STAG1: variants seen among roughly 807,000 people sequenced by gnomAD.
STAG1 encodes the protein cohesin subunit SA-1.
A neutral mutation model predicts 170.9 loss-of-function variants in STAG1; 26 were observed. The observed-to-expected ratio is 0.15, with a 90% CI of 0.11 to 0.21. STAG1 has a LOEUF of 0.21. Ranked by LOEUF, STAG1 falls within the 10% of genes least tolerant of loss-of-function variation. The pLI is 1.00. For missense variants in STAG1, 964 were observed against 1,509.5 expected (o/e 0.64, Z 5.99); for synonymous variants, 514 against 497.7 (o/e 1.03, Z -0.44).
intron 1 of STAG1, among the ~76,000 whole-genome samples, chr3:136,656,615 A>G (rs188269799): frequency 3.5e-3 from 188 of 54,090 alleles, no homozygotes; most frequent in African/African-American, 0.031. Context: ...CTCTGTATTT[A>G]TTTGTGTGTG....
At chr3:136,445,511 T>C (rs2088752778) in intron 14 of STAG1, among the ~76,000 whole-genome samples, 1 of 152,204 alleles carries the variant, frequency 6.6e-6, no homozygotes, top group Non-Finnish European at 1.5e-5. Context: ...TTTGGGAAGA[T>C]TTGAAAAAGT....
intron 1 of STAG1, among the ~76,000 whole-genome samples, chr3:136,634,677 G>A (rs1310196067): frequency 6.8e-6 from 1 of 147,282 alleles, no homozygotes; most frequent in African/African-American, 2.5e-5. Flanking sequence ...AAATACAAAG[G>A]GCAAACTAAG....
At chr3:136,465,367 C>T (rs2089422734) in intron 12 of STAG1, among the ~76,000 whole-genome samples, 1 of 151,072 alleles carries the variant, frequency 6.6e-6, no homozygotes, top group Non-Finnish European at 1.5e-5. Flanking sequence ...TTACAGGTGC[C>T]CAACACCACG....
At position 136,567,758 on chromosome 3, in the gene STAG1, T is replaced by A. The variant is rs1023229498; in HGVS notation, c.394+1007A>T. ...TGCAATGTACAAGATAAAGATCAGA[T>A]CTGCCTGATGGGACTGTTAACAAAG... is the stretch of plus-strand genomic sequence containing the variant. On this transcript the variant is annotated intron_variant, in intron 5 of 33. Transcript: ENST00000383202. Among the ~76,000 whole-genome samples the A allele has an allele frequency of 2.6e-5, 4 of 152,194 alleles. No homozygotes were observed. In the East Asian group the frequency reaches 7.7e-4, roughly 29 times the overall value.
intron 22 of STAG1, among the ~76,000 whole-genome samples, chr3:136,389,810 G>A (rs765427067): frequency 8.6e-5 from 13 of 150,440 alleles, no homozygotes; most frequent in African/African-American, 1.7e-4. Flanking sequence ...GTGAGCCACC[G>A]CACCTGGCCT....
intron 5 of STAG1, among the ~76,000 whole-genome samples, chr3:136,551,428 A>ATTTTTTTTT (rs57299539): frequency 1.0e-4 from 12 of 117,482 alleles, no homozygotes; most frequent in Admixed American, 2.9e-4. Context: ...CATCTGGCTA[A>ATTTTTTTTT]TTTTTTTTTT....
At chr3:136,419,994 TC>T (rs1246210509) in intron 20 of STAG1, among the ~76,000 whole-genome samples, 1 of 151,984 alleles carries the variant, frequency 6.6e-6, no homozygotes, top group East Asian at 1.9e-4. Flanking sequence ...ACGTCTGTAA[TC>T]CCAGCACTTT....
At position 136,521,356 on chromosome 3, in the gene STAG1, A is replaced by C; in HGVS notation, c.533T>G (p.Phe178Cys). The change falls in exon 7 of 34, where the codon TTT becomes TGT. Residue 178 changes from phenylalanine (F) to cysteine (C), a missense_variant. Transcript: ENST00000383202. Reference protein sequence around the residue: ...GPQWKKFRSNFCEFIGVLIRQ... With the variant: ...GPQWKKFRSNCCEFIGVLIRQ... ...AATCAGGACTCCAATAAATTCACAA[A>C]AGTTTGAACGAAATTTTTTCCACTG... 3.1e-6 allele frequency: 5 copies of C among 1,613,722 alleles called. No individual in the cohort carries two copies. Among genetic ancestry groups the C allele is most frequent in the Non-Finnish European group, 4.2e-6 (5 of 1,179,768 alleles).
intron 1 of STAG1, among the ~76,000 whole-genome samples, chr3:136,664,958 A>C (rs185818271): frequency 6.2e-4 from 95 of 152,340 alleles, no homozygotes; most frequent in African/African-American, 2.2e-3. Context: ...CAGAGGGTGA[A>C]ACTGCAAACC....
chr3:136,641,046 AC>A (rs1469028790), intron 1 of STAG1, among the ~76,000 whole-genome samples: 2 of 152,070 alleles, frequency 1.3e-5, no homozygotes, highest in Non-Finnish European at 2.9e-5. Flanking sequence ...ATTAGGAAAA[AC>A]CTCATGGTTT....
At chr3:136,368,122 AG>A (rs1446376278) in intron 24 of STAG1, among the ~76,000 whole-genome samples, 1 of 152,166 alleles carries the variant, frequency 6.6e-6, no homozygotes, top group Non-Finnish European at 1.5e-5. Flanking sequence ...GACAAGTAGC[AG>A]GTAAATTTGT....
chr3:136,486,768 TTAC>T (rs2090021257), intron 9 of STAG1, among the ~76,000 whole-genome samples: 3 of 152,016 alleles, frequency 2.0e-5, no homozygotes, highest in African/African-American at 4.8e-5. Context: ...ATTCTTGGAA[TTAC>T]TACTAATACT....
At chr3:136,661,301 T>C (rs1207470204) in intron 1 of STAG1, among the ~76,000 whole-genome samples, 1 of 152,216 alleles carries the variant, frequency 6.6e-6, no homozygotes, top group Non-Finnish European at 1.5e-5. Context: ...TTACTTCAAC[T>C]CTGTATTCTT....
chr3:136,689,895 A>C (rs757414630), intron 1 of STAG1, among the ~76,000 whole-genome samples: 19 of 152,138 alleles, frequency 1.2e-4, no homozygotes, highest in Non-Finnish European at 2.2e-4. Flanking sequence ...TACAAAAATT[A>C]GCCAGGCGTG....
At chr3:136,645,837 G>A (rs1432420204) in intron 1 of STAG1, among the ~76,000 whole-genome samples, 1 of 151,996 alleles carries the variant, frequency 6.6e-6, no homozygotes, top group Non-Finnish European at 1.5e-5. Context: ...CTCACTTTCT[G>A]ACCACCTACC....
chr3:136,564,141 T>C (rs1220904316), intron 5 of STAG1, among the ~76,000 whole-genome samples: 1 of 152,238 alleles, frequency 6.6e-6, no homozygotes, highest in Admixed American at 6.5e-5. Context: ...CACTGTCTTA[T>C]ATATGAACAT....
intron 14 of STAG1, among the ~76,000 whole-genome samples, chr3:136,445,904 A>C (rs2088764380): frequency 6.6e-6 from 1 of 152,188 alleles, no homozygotes; most frequent in African/African-American, 2.4e-5. Context: ...TGTGTTTGTA[A>C]ATAGCATAAA....
chr3:136,564,826 C>A (rs1188755303), intron 5 of STAG1, among the ~76,000 whole-genome samples: 1 of 151,808 alleles, frequency 6.6e-6, no homozygotes, highest in Non-Finnish European at 1.5e-5. Context: ...CAAAAATTAA[C>A]CATGGATTAA....
At chr3:136,709,755 C>T (rs1943333914) in intron 1 of STAG1, among the ~76,000 whole-genome samples, 1 of 149,602 alleles carries the variant, frequency 6.7e-6, no homozygotes, top group Admixed American at 6.7e-5. Flanking sequence ...AGGTGGGGGG[C>T]CGGACAAGGT....
Sources: gnomAD v4.1 joint callset for allele counts (sites outside exome capture counted in the v4.1 genomes callset) on GRCh38, gnomAD v4.1.1 for gene constraint, MANE v1.5 for transcripts, NCBI Gene and HGNC (gene_info 2026-07-23, HGNC 2026-07-21) for gene names.